TMEM217: variants seen among roughly 807,000 people sequenced by gnomAD.
TMEM217 encodes the protein chromosome 6 open reading frame 128.
For missense variants in TMEM217, 204 were observed against 248.8 expected, an observed-to-expected ratio of 0.82 and a Z score of 1.21; for synonymous variants, 76 against 88.3, an observed-to-expected ratio of 0.86 and a Z score of 0.78.
exon 4 of TMEM217, chr6:37,212,423 A>G (rs1762957545): frequency 2.4e-6 from 1 of 413,964 alleles, no homozygotes; most frequent in Non-Finnish European, 4.9e-6. Context: ...GTTCAGTTTA[A>G]CTTCCGGTAC....
In TMEM217 at chr6:37,234,654, T is replaced by C. The variant is rs1351797421; in HGVS notation, c.-11-15613A>G. Among the ~76,000 whole-genome samples, 2 of 152,088 alleles carry C rather than the reference T, an allele frequency of 1.3e-5. 1 individual carries two copies. The highest frequency in any genetic ancestry group is 2.9e-5 in the Non-Finnish European group (2 of 68,018). ...AGGAGTCTGAGGCAAGAGAATTACT[T>C]GAACCTAGGAGGCAGAGGTTGCACT... On this transcript the variant is annotated intron_variant, in intron 1 of 1. Transcript: ENST00000357219.
rs746487606 is a variant in TMEM217, at chr6:37,232,123, T to C, written c.-11-13082A>G. On this transcript the variant is annotated intron_variant, in intron 1 of 1. Coordinates refer to ENST00000357219, the Ensembl canonical transcript of TMEM217. ...TGTTGGGGGGGAGAGAGGGGTGAAATGGAATTTATTCTTAAATCTGGGCTA... is the reference window on the plus strand; with the variant it reads ...TGTTGGGGGGGAGAGAGGGGTGAAACGGAATTTATTCTTAAATCTGGGCTA... Among the ~76,000 whole-genome samples the C allele has an allele frequency of 2.6e-5, 4 of 152,120 alleles. No homozygotes were observed. In the East Asian group the frequency reaches 5.8e-4, roughly 22 times the overall value.
chr6:37,222,737 C>T (rs908367692), intron 1 of TMEM217, among the ~76,000 whole-genome samples: 1 of 152,236 alleles, frequency 6.6e-6, no homozygotes, highest in East Asian at 1.9e-4. Flanking sequence ...TCTGCCTGCT[C>T]CGTAGAGCCG....
chr6:37,238,602 C>T (rs1666446052), intron 1 of TMEM217, among the ~76,000 whole-genome samples: 1 of 152,130 alleles, frequency 6.6e-6, no homozygotes, highest in South Asian at 2.1e-4. Flanking sequence ...TTTGCCTTTC[C>T]TGGTAAGAGA....
chr6:37,228,270 TAG>T (rs1424201555), intron 1 of TMEM217, among the ~76,000 whole-genome samples: 4 of 152,172 alleles, frequency 2.6e-5, no homozygotes, highest in African/African-American at 9.7e-5. Flanking sequence ...TAGGGAGTAG[TAG>T]AGATTGTAGC....
intron 1 of TMEM217, among the ~76,000 whole-genome samples, chr6:37,222,033 C>T (rs1477091967): frequency 6.6e-6 from 1 of 152,186 alleles, no homozygotes. Flanking sequence ...AGGATAGCTC[C>T]TCTCTGCAGC....
intron 1 of TMEM217, among the ~76,000 whole-genome samples, chr6:37,220,759 T>C (rs1287540555): frequency 3.3e-5 from 5 of 152,048 alleles, no homozygotes; most frequent in Admixed American, 2.6e-4. Flanking sequence ...GACAAGTACA[T>C]AGTGAAAAAT....
At chr6:37,244,961 T>G (rs1031688930) in intron 1 of TMEM217, among the ~76,000 whole-genome samples, 2 of 152,152 alleles carry the variant, frequency 1.3e-5, no homozygotes, top group African/African-American at 4.8e-5. Flanking sequence ...GTTCCACATG[T>G]TTTTCATCAT....
intron 1 of TMEM217, among the ~76,000 whole-genome samples, chr6:37,228,658 C>T (rs1166743155): frequency 1.3e-5 from 2 of 149,386 alleles, no homozygotes; most frequent in Admixed American, 1.3e-4. Context: ...GAGCCGAGAT[C>T]GCGCCACTGC....
At chr6:37,215,211 A>G (rs774629916), downstream of TMEM217, 30 of 1,613,758 alleles carry the variant, frequency 1.9e-5, no homozygotes, top group Admixed American at 1.2e-4. Context: ...GCAGACATCT[A>G]TTGTGTATCT....
chr6:37,221,503 A>C (rs560335498), intron 1 of TMEM217, among the ~76,000 whole-genome samples: 2 of 152,296 alleles, frequency 1.3e-5, no homozygotes, highest in Non-Finnish European at 2.9e-5. Flanking sequence ...GTAGAATCTT[A>C]TAGCATTTGT....
upstream of TMEM217, chr6:37,258,126 G>A: frequency 1.2e-6 from 1 of 862,026 alleles, no homozygotes; most frequent in Admixed American, 3.1e-5. Context: ...CTGTCAGGCA[G>A]CGAAGCGAAC....
exon 4 of TMEM217, chr6:37,212,534 T>C (rs890320069): frequency 1.5e-5 from 7 of 458,312 alleles, no homozygotes; most frequent in Non-Finnish European, 2.6e-5. Flanking sequence ...TTGTAAAGGT[T>C]GTATGCATGC....
chr6:37,234,373 T>C (rs936033119), intron 1 of TMEM217, among the ~76,000 whole-genome samples: 1 of 152,250 alleles, frequency 6.6e-6, no homozygotes, highest in Non-Finnish European at 1.5e-5. Flanking sequence ...GTGCTGAAAC[T>C]ACAGGCGTGA....
chr6:37,238,005 T>G (rs1198848721), intron 1 of TMEM217, among the ~76,000 whole-genome samples: 1 of 152,186 alleles, frequency 6.6e-6, no homozygotes, highest in Non-Finnish European at 1.5e-5. Context: ...ACACTAATTT[T>G]ATTTTGGACA....
At chr6:37,217,890 T>C (rs1299831129) in exon 2 of TMEM217, 1 of 985,728 alleles carries the variant, frequency 1.0e-6, no homozygotes, top group Non-Finnish European at 1.2e-6. Context: ...TTTTGACCAA[T>C]CAGGTGGTAG....
At chr6:37,257,950 G>T (rs1348647125) in exon 1 of TMEM217, 1 of 1,614,176 alleles carries the variant, frequency 6.2e-7, no homozygotes. Context: ...AGTTTTGGAA[G>T]AGGAGCGCTA....
chr6:37,227,066 T>C (rs1241645685), intron 1 of TMEM217, among the ~76,000 whole-genome samples: 1 of 152,220 alleles, frequency 6.6e-6, no homozygotes, highest in Non-Finnish European at 1.5e-5. Context: ...AGCAGCAAAA[T>C]TAGGATTTGA....
exon 2 of TMEM217, chr6:37,218,184 T>TC: frequency 8.4e-7 from 1 of 1,186,200 alleles, no homozygotes; most frequent in South Asian, 3.1e-5. Context: ...TTTTTTTTTT[T>TC]TGGGGGACAG....
Sources: gnomAD v4.1 joint callset for allele counts (sites outside exome capture counted in the v4.1 genomes callset) on GRCh38, gnomAD v4.1.1 for gene constraint, MANE v1.5 for transcripts, NCBI Gene and HGNC (gene_info 2026-07-23, HGNC 2026-07-21) for gene names.